INSC: variants seen among roughly 807,000 people sequenced by gnomAD.
The protein encoded by INSC is INSC spindle orientation adaptor protein.
Under a neutral mutation model 58.6 loss-of-function variants are expected in INSC, and 67 were observed. The ratio of observed to expected loss-of-function variants is 1.14; its 90% CI spans 0.94 to 1.40. The LOEUF (loss-of-function observed/expected upper bound fraction) is 1.40. Ranked by LOEUF, INSC falls within the 40% of genes most tolerant of loss-of-function variation. The pLI, the probability that INSC is intolerant of heterozygous loss-of-function variation, is 0.00. For missense variants in INSC, 714 were observed against 692.0 expected (o/e 1.03, Z -0.36); for synonymous variants, 262 against 276.1 (o/e 0.95, Z 0.51).
At chr11:15,204,369 C>CA (rs1178436407) in intron 7 of INSC, among the ~76,000 whole-genome samples, 3 of 152,252 alleles carry the variant, frequency 2.0e-5, no homozygotes, top group Admixed American at 6.5e-5. Flanking sequence ...ACCCAGGACT[C>CA]AAAATCTGAT....
chr11:15,210,547 G>GTGTGTGT (rs1554921705), intron 7 of INSC, among the ~76,000 whole-genome samples: 5 of 148,764 alleles, frequency 3.4e-5, no homozygotes, highest in Non-Finnish European at 4.5e-5. Context: ...GTGTGTGTGT[G>GTGTGTGT]GTGGAGTGGG....
chr11:15,135,841 G>A (rs374184452), intron 1 of INSC, among the ~76,000 whole-genome samples: 1 of 152,130 alleles, frequency 6.6e-6, no homozygotes, highest in African/African-American at 2.4e-5. Context: ...TACAGTTCTG[G>A]AGGCTGAGAA....
intron 1 of INSC, among the ~76,000 whole-genome samples, chr11:15,129,057 C>G (rs1848065030): frequency 6.6e-6 from 1 of 152,194 alleles, no homozygotes; most frequent in Non-Finnish European, 1.5e-5. Flanking sequence ...CAAGAGGGAA[C>G]CTCAAGGGTA....
rs185211982 is a variant in INSC, at chr11:15,155,104, T to C, written c.56+5874T>C. On this transcript the variant is annotated intron_variant, in intron 2 of 12. Transcript: ENST00000379556. ...ATGGAATATAATGCAGATAAACACA[T>C]GGATCCTAGCATTCTAACATTCTGC... 2.9e-3 allele frequency among the ~76,000 whole-genome samples: 442 copies of C among 152,296 alleles called. 4 individuals are homozygous for C. Among genetic ancestry groups the C allele is most frequent in the African/African-American group, 8.4e-3 (351 of 41,570 alleles).
chr11:15,130,240 G>T (rs1848094341), intron 1 of INSC, among the ~76,000 whole-genome samples: 1 of 152,106 alleles, frequency 6.6e-6, no homozygotes, highest in African/African-American at 2.4e-5. Flanking sequence ...CTTGGTAGAT[G>T]ACCTATAATC....
intron 1 of INSC, among the ~76,000 whole-genome samples, chr11:15,148,811 A>G (rs1425672536): frequency 6.6e-6 from 1 of 152,228 alleles, no homozygotes; most frequent in Non-Finnish European, 1.5e-5. Context: ...TAGTACAAGT[A>G]TGTCCTGTGC....
intron 7 of INSC, among the ~76,000 whole-genome samples, chr11:15,208,437 C>G (rs1850892547): frequency 6.6e-6 from 1 of 152,210 alleles, no homozygotes; most frequent in Non-Finnish European, 1.5e-5. Context: ...GGGCAGGGCC[C>G]ATGATTGAGC....
At chr11:15,146,158 T>A (rs954543280) in intron 1 of INSC, among the ~76,000 whole-genome samples, 1 of 152,248 alleles carries the variant, frequency 6.6e-6, no homozygotes, top group Non-Finnish European at 1.5e-5. Flanking sequence ...TTATTATTGT[T>A]ACAGACACTT....
chr11:15,170,968 G>T (rs1313571633), intron 2 of INSC, among the ~76,000 whole-genome samples: 1 of 152,222 alleles, frequency 6.6e-6, no homozygotes, highest in African/African-American at 2.4e-5. Context: ...AATCGATTAG[G>T]AGTTTAATTA....
At chr11:15,170,903 G>A (rs536410593) in intron 2 of INSC, among the ~76,000 whole-genome samples, 130 of 152,270 alleles carry the variant, frequency 8.5e-4, no homozygotes, top group African/African-American at 3.0e-3. Context: ...AAACACGCAG[G>A]GCTTGAAGAA....
At chr11:15,264,774 T>C in the INSC span, among the ~76,000 whole-genome samples, 19 of 152,066 alleles carry the variant, frequency 1.2e-4, no homozygotes, top group South Asian at 1.9e-3. Context: ...TTACATCTAC[T>C]AGTAGCCTTA....
chr11:15,228,420 G>C (rs537906448), intron 9 of INSC, among the ~76,000 whole-genome samples: 10 of 152,138 alleles, frequency 6.6e-5, no homozygotes, highest in Non-Finnish European at 1.0e-4. Flanking sequence ...ACCTTTTCAC[G>C]TTACTCCACT....
chr11:15,208,090 C>G (rs969568984), intron 7 of INSC, among the ~76,000 whole-genome samples: 1 of 152,176 alleles, frequency 6.6e-6, no homozygotes, highest in Non-Finnish European at 1.5e-5. Flanking sequence ...TGGATAGAGA[C>G]AGAGGGGCTG....
At position 15,210,735 on chromosome 11, in the gene INSC, G is replaced by A. The variant is rs564762540; in HGVS notation, c.819+9786G>A. On this transcript the variant is annotated intron_variant, in intron 7 of 12. Transcript: ENST00000379556. ...CCTAGGACATGGGACAAGGTACAGA[G>A]GTGGCACTCTCAGCCACCCCTGAGT... Among the ~76,000 whole-genome samples the A allele has an allele frequency of 1.2e-4, 19 of 152,224 alleles. No homozygotes were observed. In the South Asian group the frequency reaches 3.9e-3, roughly 32 times the overall value.
chr11:15,230,394 A>G (rs1851881369), intron 9 of INSC, among the ~76,000 whole-genome samples: 1 of 151,976 alleles, frequency 6.6e-6, no homozygotes, highest in African/African-American at 2.4e-5. Flanking sequence ...AGCAAGAGAG[A>G]GTGAAGGGGG....
At chr11:15,247,869 G>A (rs1268803577), downstream of INSC, among the ~76,000 whole-genome samples, 3 of 151,852 alleles carry the variant, frequency 2.0e-5, no homozygotes, top group Non-Finnish European at 4.4e-5. Flanking sequence ...TAAATATTGG[G>A]AAACTATCAA....
intron 1 of INSC, among the ~76,000 whole-genome samples, chr11:15,115,768 C>T (rs1439050582): frequency 6.6e-6 from 1 of 152,204 alleles, no homozygotes; most frequent in Non-Finnish European, 1.5e-5. Flanking sequence ...ACCAGTCTTG[C>T]ACACACTCTT....
intron 1 of INSC, among the ~76,000 whole-genome samples, chr11:15,129,451 A>G (rs943343059): frequency 1.1e-4 from 17 of 152,210 alleles, no homozygotes; most frequent in Non-Finnish European, 1.2e-4. Flanking sequence ...TTGGAATTGG[A>G]CTGAATATTT....
At chr11:15,244,846 T>C (rs567518775) in intron 12 of INSC, among the ~76,000 whole-genome samples, 9 of 152,150 alleles carry the variant, frequency 5.9e-5, no homozygotes, top group Non-Finnish European at 1.3e-4. Flanking sequence ...GCTGTGTATA[T>C]GCTCAGGAAG....
Sources: allele counts gnomAD v4.1 joint callset (sites outside exome capture counted in the v4.1 genomes callset), GRCh38; gene constraint gnomAD v4.1.1; transcripts MANE v1.5; gene names NCBI Gene and HGNC (gene_info 2026-07-23, HGNC 2026-07-21).